The following MAP6 variants were observed in gnomAD, a reference collection of about 807,000 sequenced individuals.
MAP6 encodes microtubule-associated protein 6.
In MAP6, 26 loss-of-function variants were observed where a neutral mutation model predicts 42.4. The ratio of observed to expected loss-of-function variants is 0.61; its 90% CI spans 0.45 to 0.85. MAP6 has a LOEUF of 0.85. Among genes scored for constraint, MAP6 ranks in the 40% least tolerant of loss-of-function variants. The pLI, the probability that MAP6 is intolerant of heterozygous loss-of-function variation, is 0.00. For missense variants in MAP6, 966 were observed against 1,099.0 expected (o/e 0.88, Z 1.71); for synonymous variants, 418 against 443.8 (o/e 0.94, Z 0.73).
At chr11:75,594,649 C>T (rs1422442790) in intron 3 of MAP6, 1 of 152,184 alleles carries the variant, frequency 6.6e-6, no homozygotes, top group African/African-American at 2.4e-5. Context: ...CATTGTAGTA[C>T]CTGGCAGATA....
chr11:75,661,017 G>A (rs1266877973), intron 1 of MAP6, among the ~76,000 whole-genome samples: 1 of 150,242 alleles, frequency 6.7e-6, no homozygotes, highest in African/African-American at 2.4e-5. Flanking sequence ...TATGAAAAAG[G>A]AGACATAACT....
At chr11:75,647,492 A>C (rs1361912155) in intron 1 of MAP6, among the ~76,000 whole-genome samples, 2 of 152,122 alleles carry the variant, frequency 1.3e-5, no homozygotes. Flanking sequence ...AGAATTAATA[A>C]AAGAATTAGC....
chr11:75,626,634 A>G (rs1423307059), intron 1 of MAP6, among the ~76,000 whole-genome samples: 1 of 152,230 alleles, frequency 6.6e-6, no homozygotes, highest in Non-Finnish European at 1.5e-5. Flanking sequence ...AGCAATTATA[A>G]TATCGGTACC....
chr11:75,668,246 C>A lies in MAP6; in HGVS notation c.124G>T (p.Ala42Ser). ...KYSEATEHPGAPPQPPPPQQQ... is the reference protein window; with the variant it reads ...KYSEATEHPGSPPQPPPPQQQ... The stretch of plus-strand genomic sequence containing the variant: ...TGCGGCGGCGGTGGCTGCGGCGGGG[C>A]GCCCGGGTGCTCGGTGGCCTCCGAG... Residue 42 changes from alanine to serine, a missense_variant, in exon 1 of 4, where the codon GCC becomes TCC. Coordinates refer to ENST00000304771, the MANE Select transcript of MAP6 (RefSeq NM_033063.2). 6.9e-7 allele frequency: 1 copy of A among 1,447,764 alleles called. No homozygotes were observed. Among genetic ancestry groups the A allele is most frequent in the Non-Finnish European group, 9.1e-7 (1 of 1,101,830 alleles). The allele number at this position is 1,447,764 out of a possible 1,614,324, so 89.7% of individuals were successfully genotyped here. A position where few individuals can be genotyped will look rare whatever the true frequency, so the allele number is the denominator to read the frequency against.
intron 3 of MAP6, among the ~76,000 whole-genome samples, chr11:75,598,017 TC>T (rs1469183159): frequency 1.3e-5 from 2 of 152,162 alleles, no homozygotes; most frequent in Admixed American, 6.5e-5. Context: ...TTTGCATGCC[TC>T]CCCATGGGGC....
chr11:75,606,453 C>A (rs1430242588), intron 2 of MAP6, among the ~76,000 whole-genome samples: 3 of 152,194 alleles, frequency 2.0e-5, no homozygotes, highest in Non-Finnish European at 4.4e-5. Context: ...GCTCTCTTTT[C>A]CTCTGCCACA....
rs1290532695 is a variant in MAP6, at chr11:75,588,063, C to CTT, written c.1436_1437dup (p.Glu480LysfsTer4). The CTT allele has an allele frequency of 6.2e-7, 1 of 1,613,944 alleles. No homozygotes were observed. Among genetic ancestry groups the CTT allele is most frequent in the Non-Finnish European group, 8.5e-7 (1 of 1,180,052 alleles). ...ACAGAACCTTGCTTCTTCAGAGGCT[C>CTT]TTGCACCATAGGACCTTGACCTTTC... On this transcript the variant is annotated frameshift_variant, in exon 4 of 4. Coordinates refer to ENST00000304771, the MANE Select transcript of MAP6 (RefSeq NM_033063.2). LOFTEE classifies it low-confidence loss of function (END_TRUNC).
chr11:75,626,354 C>T (rs574440814), intron 1 of MAP6, among the ~76,000 whole-genome samples: 11 of 152,170 alleles, frequency 7.2e-5, no homozygotes, highest in South Asian at 2.1e-4. Context: ...GAAGGTGGAG[C>T]GGTAAGGAGG....
At chr11:75,598,181 A>C (rs1181828542) in intron 3 of MAP6, among the ~76,000 whole-genome samples, 1 of 152,242 alleles carries the variant, frequency 6.6e-6, no homozygotes, top group Non-Finnish European at 1.5e-5. Flanking sequence ...AATATATTCG[A>C]AGAGTGATCG....
At chr11:75,597,052 C>T (rs1388803794) in intron 3 of MAP6, 1 of 152,212 alleles carries the variant, frequency 6.6e-6, no homozygotes, top group Non-Finnish European at 1.5e-5. Flanking sequence ...TCCTTAATCA[C>T]CGAGTTCTGA....
chr11:75,593,047 C>T (rs144368936), intron 3 of MAP6, among the ~76,000 whole-genome samples: 3 of 152,252 alleles, frequency 2.0e-5, no homozygotes, highest in African/African-American at 7.2e-5. Flanking sequence ...CCTGACCCCA[C>T]AGTCATGGCC....
At chr11:75,641,084 CA>C (rs1943462039) in intron 1 of MAP6, among the ~76,000 whole-genome samples, 1 of 152,068 alleles carries the variant, frequency 6.6e-6, no homozygotes. Context: ...GGAACCAACC[CA>C]AATGTCCAGC....
intron 3 of MAP6, chr11:75,603,151 A>G (rs1440693487): frequency 2.0e-6 from 2 of 985,400 alleles, no homozygotes; most frequent in African/African-American, 3.5e-5. Flanking sequence ...CAGACAGGAC[A>G]GATTGCTGAG....
intron 1 of MAP6, among the ~76,000 whole-genome samples, chr11:75,654,034 G>T (rs1190504225): frequency 1.3e-5 from 2 of 152,180 alleles, no homozygotes; most frequent in Non-Finnish European, 2.9e-5. Flanking sequence ...TAAGCTAGGT[G>T]CTGGAGGTAC....
chr11:75,618,076 T>C (rs551661600), intron 1 of MAP6, among the ~76,000 whole-genome samples: 77 of 150,678 alleles, frequency 5.1e-4, no homozygotes, highest in African/African-American at 1.7e-3. Flanking sequence ...ACGGTACATC[T>C]AGTGAAGTAC....
At chr11:75,613,131 A>AT (rs1942932541) in intron 1 of MAP6, among the ~76,000 whole-genome samples, 1 of 152,168 alleles carries the variant, frequency 6.6e-6, no homozygotes, top group Non-Finnish European at 1.5e-5. Flanking sequence ...GCCACACTCC[A>AT]TATCTTCTTT....
chr11:75,647,226 C>T (rs756224048), intron 1 of MAP6, among the ~76,000 whole-genome samples: 5 of 151,124 alleles, frequency 3.3e-5, no homozygotes, highest in African/African-American at 4.9e-5. Flanking sequence ...TCAAAGTGAT[C>T]CCCGCCTTGG....
chr11:75,593,276 AAAC>A (rs1942512180), intron 3 of MAP6, among the ~76,000 whole-genome samples: 2 of 152,258 alleles, frequency 1.3e-5, no homozygotes, highest in Non-Finnish European at 2.9e-5. Context: ...GTGAATGAAT[AAAC>A]AACAGACTGT....
At chr11:75,665,677 G>GT (rs966930712) in intron 1 of MAP6, among the ~76,000 whole-genome samples, 4 of 152,160 alleles carry the variant, frequency 2.6e-5, no homozygotes, top group African/African-American at 7.2e-5. Context: ...TCCTGCCTTT[G>GT]TTTTTTATGT....
Sources: allele counts gnomAD v4.1 joint callset (sites outside exome capture counted in the v4.1 genomes callset), GRCh38; gene constraint gnomAD v4.1.1; transcripts MANE v1.5; gene names NCBI Gene and HGNC (gene_info 2026-07-23, HGNC 2026-07-21).